Variants in TMEFF2 observed in about 807,000 individuals in gnomAD.
TMEFF2 encodes the protein tomoregulin-2.
In TMEFF2, 28 loss-of-function variants were observed where a neutral mutation model predicts 53.8. The observed-to-expected ratio is 0.52, with a 90% CI of 0.39 to 0.71. TMEFF2 has a LOEUF of 0.71. Among genes scored for constraint, TMEFF2 ranks in the 30% least tolerant of loss-of-function variants. The pLI, the probability that TMEFF2 is intolerant of heterozygous loss-of-function variation, is 0.00. For synonymous variants in TMEFF2, 162 were observed against 166.3 expected, an observed-to-expected ratio of 0.97 and a Z score of 0.20; for missense variants, 353 against 455.2, an observed-to-expected ratio of 0.78 and a Z score of 2.04.
In TMEFF2 at chr2:192,045,343, G is replaced by C. The variant is rs1236997896; in HGVS notation, c.536+12336C>G. Among the ~76,000 whole-genome samples the C allele has an allele frequency of 1.3e-5, 2 of 152,344 alleles. 1 individual carries two copies. The highest frequency in any genetic ancestry group is 6.8e-3 in the Middle Eastern group (2 of 294). On this transcript the variant is annotated intron_variant, in intron 5 of 9. Transcript: ENST00000272771. ...ACTGATTCATGGACTGTGGCCAATG[G>C]TTTGGTAGATGGTCAAGGACTTGAA...
chr2:192,123,425 C>T (rs1355555979), intron 4 of TMEFF2, among the ~76,000 whole-genome samples: 1 of 152,066 alleles, frequency 6.6e-6, no homozygotes, highest in Non-Finnish European at 1.5e-5. Flanking sequence ...GTCAATAACA[C>T]TTAAATCTTT....
intron 4 of TMEFF2, among the ~76,000 whole-genome samples, chr2:192,176,498 C>T (rs1691048263): frequency 6.6e-6 from 1 of 151,268 alleles, no homozygotes; most frequent in African/African-American, 2.4e-5. Flanking sequence ...TCTTATTACT[C>T]TACAAATTTC....
chr2:192,135,133 G>A (rs4384721), intron 4 of TMEFF2, among the ~76,000 whole-genome samples: 50,532 of 151,940 alleles, frequency 0.33, 9,569 homozygotes, highest in South Asian at 0.45. Context: ...ACTATTTTCT[G>A]TCTAGTCATA....
chr2:191,956,785 G>T (rs184511860), intron 7 of TMEFF2, among the ~76,000 whole-genome samples: 4 of 152,136 alleles, frequency 2.6e-5, no homozygotes, highest in South Asian at 2.1e-4. Context: ...TGATACTTTC[G>T]CAATACGAAA....
intron 4 of TMEFF2, among the ~76,000 whole-genome samples, chr2:192,139,254 T>C (rs1246872819): frequency 1.3e-5 from 2 of 152,220 alleles, no homozygotes; most frequent in Admixed American, 1.3e-4. Context: ...ATACTGTTTT[T>C]GGAGTAAATG....
rs1319374818 is a variant in TMEFF2, at chr2:192,191,890, C to A, written c.272G>T (p.Cys91Phe). 6.2e-7 allele frequency: 1 copy of A among 1,609,538 alleles called. No homozygotes were observed. Among genetic ancestry groups the A allele is most frequent in the Non-Finnish European group, 8.5e-7 (1 of 1,176,206 alleles). The change falls in exon 2 of 10, where the codon TGT (cysteine) becomes TTT (phenylalanine). Residue 91 changes from cysteine (C) to phenylalanine (F), a missense_variant. Cys to Phe is a radical substitution (Grantham distance 205). Transcript: ENST00000272771. Reference protein sequence around the residue: ...LRIGDTVTCVCQFKCNNDYVP... With the variant: ...LRIGDTVTCVFQFKCNNDYVP... ...TATAAGACTTCTTACCTTGAACTGA[C>A]AGACGCAAGTCACAGTGTCTCCAAT...
chr2:192,042,524 G>A (rs1416926205), intron 5 of TMEFF2, among the ~76,000 whole-genome samples: 2 of 152,188 alleles, frequency 1.3e-5, no homozygotes, highest in Non-Finnish European at 2.9e-5. Context: ...AACTACCTAA[G>A]TTCCTAACTT....
intron 4 of TMEFF2, among the ~76,000 whole-genome samples, chr2:192,087,395 G>T (rs1688691737): frequency 6.6e-6 from 1 of 152,070 alleles, no homozygotes; most frequent in African/African-American, 2.4e-5. Flanking sequence ...AATTAATATT[G>T]GTCCTGAAGT....
rs1003491412 is a variant in TMEFF2, at chr2:191,950,302, A to G, written c.*9T>C. ...CTCGGTAGTCCAGCCACTGTGAAAC[A>G]TGCTCCCTTTAGATTAACCTCGTGG... On this transcript the variant is annotated 3_prime_UTR_variant, in exon 10 of 10. Transcript: ENST00000272771. 1.9e-6 allele frequency: 3 copies of G among 1,612,028 alleles called. No individual in the cohort carries two copies. Among genetic ancestry groups the G allele is most frequent in the African/African-American group, 1.3e-5 (1 of 74,882 alleles).
intron 5 of TMEFF2, 102 bp downstream of exon 5, chr2:192,057,577 A>T (rs1393237343): frequency 9.4e-7 from 1 of 1,064,934 alleles, no homozygotes; most frequent in Non-Finnish European, 1.4e-6. Context: ...ATAAGAAAAT[A>T]AAAATGCAGA....
In TMEFF2 at chr2:191,950,230, C is replaced by CGA; in HGVS notation, c.*80_*81insTC. ...AATGCAAGGCAACATGTGTAGATCT[C>CGA]TTGTCTTATTCTTTTGTCTATAATA... On this transcript the variant is annotated 3_prime_UTR_variant, in exon 10 of 10. Transcript: ENST00000272771. 1.3e-6 allele frequency: 2 copies of CGA among 1,542,298 alleles called. No homozygotes were observed. Among genetic ancestry groups the CGA allele is most frequent in the Non-Finnish European group, 1.7e-6 (2 of 1,145,826 alleles).
At chr2:192,081,158 AC>A (rs1688543640) in intron 4 of TMEFF2, among the ~76,000 whole-genome samples, 1 of 152,206 alleles carries the variant, frequency 6.6e-6, no homozygotes, top group Non-Finnish European at 1.5e-5. Flanking sequence ...GCAAAGTGAT[AC>A]GCTTTGTTTT....
chr2:192,077,871 A>G (rs1186739227), intron 4 of TMEFF2, among the ~76,000 whole-genome samples: 1 of 152,076 alleles, frequency 6.6e-6, no homozygotes, highest in Non-Finnish European at 1.5e-5. Flanking sequence ...CAAAACTTCT[A>G]TGTCTTAAAA....
chr2:192,192,048 A>G, intron 1 of TMEFF2, 59 bp from the exon 2 acceptor site: 1 of 1,227,688 alleles, frequency 8.1e-7, no homozygotes, highest in Non-Finnish European at 1.2e-6. Flanking sequence ...TTAACAAAAA[A>G]AAGCACTACT....
intron 4 of TMEFF2, among the ~76,000 whole-genome samples, chr2:192,140,644 G>C (rs549943727): frequency 6.6e-6 from 1 of 152,248 alleles, no homozygotes; most frequent in East Asian, 1.9e-4. Flanking sequence ...AGAATGCTGA[G>C]GGTGAGCACC....
intron 5 of TMEFF2, among the ~76,000 whole-genome samples, chr2:192,011,062 A>G (rs1686614784): frequency 6.6e-6 from 1 of 152,164 alleles, no homozygotes; most frequent in Non-Finnish European, 1.5e-5. Context: ...TGCAAGATTC[A>G]TGGGTCTATG....
chr2:192,068,991 G>A (rs1181621230), intron 4 of TMEFF2, among the ~76,000 whole-genome samples: 2 of 146,258 alleles, frequency 1.4e-5, no homozygotes, highest in Middle Eastern at 3.5e-3. Context: ...TTTTTCTTCT[G>A]GAATTACAAT....
At chr2:192,139,082 C>T (rs549437548) in intron 4 of TMEFF2, among the ~76,000 whole-genome samples, 28 of 152,118 alleles carry the variant, frequency 1.8e-4, no homozygotes, top group South Asian at 1.5e-3. Context: ...TTAAACAAAA[C>T]GTGTACAACA....
At chr2:192,168,937 T>G (rs1690839184) in intron 4 of TMEFF2, among the ~76,000 whole-genome samples, 1 of 152,066 alleles carries the variant, frequency 6.6e-6, no homozygotes, top group African/African-American at 2.4e-5. Flanking sequence ...TACTGCTGCC[T>G]CTAACTCCTG....
Sources: allele counts gnomAD v4.1 joint callset (sites outside exome capture counted in the v4.1 genomes callset), GRCh38; gene constraint gnomAD v4.1.1; transcripts MANE v1.5; gene names NCBI Gene and HGNC (gene_info 2026-07-23, HGNC 2026-07-21).